The following FGF14 variants were observed in gnomAD, a reference collection of about 807,000 sequenced individuals.
FGF14 encodes fibroblast growth factor 14.
In FGF14, 5 loss-of-function variants were observed where a neutral mutation model predicts 25.5. The ratio of observed to expected loss-of-function variants is 0.20; its 90% CI spans 0.10 to 0.41. The LOEUF (loss-of-function observed/expected upper bound fraction) is 0.41, where lower values mean the gene tolerates loss of function less well. FGF14 is among the 10% of genes least tolerant of loss of function. FGF14 has a pLI of 1.00. For missense variants in FGF14, 222 were observed against 320.1 expected (o/e 0.69, Z 2.34); for synonymous variants, 138 against 118.3 (o/e 1.17, Z -1.08).
chr13:101,778,165 A>G (rs965935650), intron 3 of FGF14, among the ~76,000 whole-genome samples: 2 of 152,246 alleles, frequency 1.3e-5, no homozygotes, highest in East Asian at 3.9e-4. Context: ...AAGTGGTTAT[A>G]ATGTTATTTT....
chr13:102,155,000 C>T (rs2047261965), intron 1 of FGF14, among the ~76,000 whole-genome samples: 1 of 152,196 alleles, frequency 6.6e-6, no homozygotes, highest in Admixed American at 6.5e-5. Flanking sequence ...CAGGAGCATA[C>T]AGATTCATAA....
intron 2 of FGF14, among the ~76,000 whole-genome samples, chr13:101,874,163 C>G (rs373985307): frequency 1.3e-5 from 2 of 151,830 alleles, no homozygotes; most frequent in South Asian, 2.1e-4. Context: ...AATTTGATCA[C>G]TGGAATTTAA....
intron 3 of FGF14, among the ~76,000 whole-genome samples, chr13:101,754,062 T>G (rs771053506): frequency 1.3e-5 from 2 of 152,164 alleles, no homozygotes; most frequent in African/African-American, 2.4e-5. Flanking sequence ...TTCTTTGCCT[T>G]TTCGTGCTAG....
At chr13:102,106,615 A>G (rs952388686) in intron 1 of FGF14, among the ~76,000 whole-genome samples, 1 of 151,918 alleles carries the variant, frequency 6.6e-6, no homozygotes, top group African/African-American at 2.4e-5. Context: ...AGAGAGAAAA[A>G]GAAAGAAAGA....
intron 3 of FGF14, among the ~76,000 whole-genome samples, chr13:101,808,028 A>G (rs1414556089): frequency 6.6e-6 from 1 of 152,074 alleles, no homozygotes; most frequent in Non-Finnish European, 1.5e-5. Context: ...AGATGCAAAT[A>G]ATAGCTAATA....
intron 3 of FGF14, among the ~76,000 whole-genome samples, chr13:101,811,164 A>G (rs894281535): frequency 1.3e-5 from 2 of 151,834 alleles, no homozygotes; most frequent in African/African-American, 4.8e-5. Context: ...TTGGTGCTGC[A>G]CATTCCATGG....
Position 101,963,863 on chromosome 13 carries a change from AGTAT to A in FGF14, c.209-88571_209-88568del, listed in dbSNP as rs1016638080. On this transcript the variant is annotated intron_variant, in intron 1 of 4. Coordinates refer to the FGF14 transcript ENST00000376131. ...AGATTATGAGGATTTTTAAGTACTTAGTATAAGGCAGGAATGTCATAAATTCAAT... is the reference window on the plus strand; with the variant it reads ...AGATTATGAGGATTTTTAAGTACTTAAAGGCAGGAATGTCATAAATTCAAT... Among the ~76,000 whole-genome samples the A allele has an allele frequency of 2.0e-4, 31 of 152,356 alleles. No homozygotes were observed. The East Asian group carries it at 5.6e-3, about 28-fold the overall frequency.
At chr13:102,192,609 G>T (rs2049172856) in intron 1 of FGF14, among the ~76,000 whole-genome samples, 1 of 152,020 alleles carries the variant, frequency 6.6e-6, no homozygotes, top group African/African-American at 2.4e-5. Context: ...ATTTGATTAG[G>T]TATCTCCTTA....
chr13:102,173,151 A>G (rs930816715), intron 1 of FGF14, among the ~76,000 whole-genome samples: 1 of 152,212 alleles, frequency 6.6e-6, no homozygotes, highest in Non-Finnish European at 1.5e-5. Flanking sequence ...AAAATAAAAA[A>G]TAATAAACTG....
At chr13:101,872,916 G>C (rs1407093324) in intron 2 of FGF14, among the ~76,000 whole-genome samples, 1 of 152,054 alleles carries the variant, frequency 6.6e-6, no homozygotes, top group African/African-American at 2.4e-5. Flanking sequence ...CTTTTACAAA[G>C]GGGATCCTGT....
intron 1 of FGF14, among the ~76,000 whole-genome samples, chr13:102,290,579 G>A (rs1375923027): frequency 6.6e-6 from 1 of 152,142 alleles, no homozygotes; most frequent in Admixed American, 6.5e-5. Context: ...CTCTGGACCC[G>A]ATCTACTTTG....
At chr13:102,401,388 A>G (rs1299488615) in intron 1 of FGF14, 5 of 1,304,780 alleles carry the variant, frequency 3.8e-6, no homozygotes, top group African/African-American at 2.9e-5. Context: ...GCCTTCCTGC[A>G]TAGCAGAACT....
intron 1 of FGF14, among the ~76,000 whole-genome samples, chr13:101,881,048 C>T (rs7330155): frequency 0.35 from 52,716 of 151,936 alleles, 9,921 homozygotes; most frequent in Admixed American, 0.44. Context: ...TGACTATGGG[C>T]AAAGACTTTT....
intron 1 of FGF14, among the ~76,000 whole-genome samples, chr13:101,931,514 C>T (rs2034748257): frequency 6.6e-6 from 1 of 152,198 alleles, no homozygotes; most frequent in Non-Finnish European, 1.5e-5. Context: ...TCCCCTCTCT[C>T]CTCCTCCACC....
chr13:101,839,954 C>T (rs556491292), intron 3 of FGF14, among the ~76,000 whole-genome samples: 124 of 152,038 alleles, frequency 8.2e-4, no homozygotes, highest in African/African-American at 2.7e-3. Flanking sequence ...CAATTTCACT[C>T]GGGAAGAATG....
intron 3 of FGF14, among the ~76,000 whole-genome samples, chr13:101,776,685 A>T (rs768838921): frequency 1.8e-4 from 28 of 152,194 alleles, no homozygotes; most frequent in African/African-American, 6.5e-4. Context: ...GGTCGCATGA[A>T]GCATGTTCTA....
At chr13:102,371,618 T>C (rs985656888) in intron 1 of FGF14, among the ~76,000 whole-genome samples, 6 of 152,162 alleles carry the variant, frequency 3.9e-5, no homozygotes, top group Non-Finnish European at 1.5e-5. Context: ...GAGCTCCACA[T>C]GGACAGAGAT....
Position 101,719,626 on chromosome 13 carries a change from G to C in FGF14, c.*3205C>G, listed in dbSNP as rs990903517. 6.6e-6 allele frequency: 1 copy of C among 151,992 alleles called. No individual in the cohort carries two copies. The highest frequency in any genetic ancestry group is 2.4e-5 in the African/African-American group (1 of 41,388). The allele number at this position is 151,992 out of a possible 1,614,324, so 9.4% of individuals were successfully genotyped here. A position where few individuals can be genotyped will look rare whatever the true frequency, so the allele number is the denominator to read the frequency against. ...AAATACCAAAACAACATTTCTGAGC[G>C]TTGTTGAGGGACTGGCAAAGCAATC... is the stretch of plus-strand genomic sequence containing the variant. On this transcript the variant is annotated 3_prime_UTR_variant, in exon 5 of 5. Transcript: ENST00000376143.
intron 1 of FGF14, among the ~76,000 whole-genome samples, chr13:102,356,139 T>C (rs1594935443): frequency 6.6e-6 from 1 of 152,214 alleles, no homozygotes; most frequent in African/African-American, 2.4e-5. Flanking sequence ...AATAAAGAGA[T>C]GAACATTTTA....
Sources: gnomAD v4.1 joint callset for allele counts (sites outside exome capture counted in the v4.1 genomes callset) on GRCh38, gnomAD v4.1.1 for gene constraint, MANE v1.5 for transcripts, NCBI Gene and HGNC (gene_info 2026-07-23, HGNC 2026-07-21) for gene names.